The following PRKG1 variants were observed in gnomAD, a reference collection of about 807,000 sequenced individuals.
The protein encoded by PRKG1 is protein kinase cGMP-dependent 1, also known as cGMP-dependent protein kinase 1.
PRKG1 carries 35 observed loss-of-function variants against 88.1 expected under a neutral mutation model. The observed-to-expected ratio is 0.40, with a 90% confidence interval of 0.30 to 0.53. PRKG1 has a LOEUF of 0.53. Ranked by LOEUF, PRKG1 falls within the 20% of genes least tolerant of loss-of-function variation. PRKG1 has a pLI of 0.59. For synonymous variants in PRKG1, 303 were observed against 292.5 expected, an observed-to-expected ratio of 1.04 and a Z score of -0.37; for missense variants, 540 against 839.8, an observed-to-expected ratio of 0.64 and a Z score of 4.41.
intron 8 of PRKG1, among the ~76,000 whole-genome samples, chr10:52,134,416 A>G (rs937861237): frequency 1.3e-5 from 2 of 152,252 alleles, no homozygotes; most frequent in Non-Finnish European, 2.9e-5. Flanking sequence ...AGACATAGGC[A>G]TATATTTAAG....
chr10:51,800,325 A>G (rs150163865), intron 3 of PRKG1, among the ~76,000 whole-genome samples: 1 of 152,190 alleles, frequency 6.6e-6, no homozygotes, highest in Non-Finnish European at 1.5e-5. Context: ...TGGACTTGCA[A>G]TGGGGTTATA....
chr10:51,459,836 A>T (rs1312733279), intron 2 of PRKG1, among the ~76,000 whole-genome samples: 1 of 152,118 alleles, frequency 6.6e-6, no homozygotes. Flanking sequence ...TTATTCAGTA[A>T]AGTAGCTTTG....
chr10:51,068,461 C>T (rs1843782163), intron 1 of PRKG1: 1 of 151,954 alleles, frequency 6.6e-6, no homozygotes. Context: ...CATTGTCCTT[C>T]TTACATCTTT....
At chr10:51,099,453 C>T (rs1844624567) in intron 1 of PRKG1, among the ~76,000 whole-genome samples, 1 of 151,254 alleles carries the variant, frequency 6.6e-6, no homozygotes, top group Non-Finnish European at 1.5e-5. Flanking sequence ...ACTAGCATTG[C>T]AACAATGGAT....
chr10:51,636,805 C>G (rs749687011), intron 3 of PRKG1, among the ~76,000 whole-genome samples: 1 of 152,126 alleles, frequency 6.6e-6, no homozygotes, highest in South Asian at 2.1e-4. Context: ...TTATTTTGAG[C>G]TATTTTCACC....
At chr10:51,229,771 AT>A (rs1006597197) in intron 2 of PRKG1, among the ~76,000 whole-genome samples, 7 of 152,058 alleles carry the variant, frequency 4.6e-5, no homozygotes, top group Middle Eastern at 3.4e-3. Context: ...TCTACAAAAA[AT>A]AAAAATTAGC....
intron 1 of PRKG1, among the ~76,000 whole-genome samples, chr10:51,110,311 C>T (rs964295884): frequency 6.6e-6 from 1 of 152,038 alleles, no homozygotes; most frequent in Non-Finnish European, 1.5e-5. Context: ...TGTCTATCAA[C>T]AGGTGAATGG....
intron 2 of PRKG1, among the ~76,000 whole-genome samples, chr10:51,382,536 T>G (rs1183038631): frequency 6.6e-6 from 1 of 152,182 alleles, no homozygotes; most frequent in Non-Finnish European, 1.5e-5. Context: ...ATCTGTACTC[T>G]GTATTGTAAG....
intron 5 of PRKG1, among the ~76,000 whole-genome samples, chr10:52,025,023 T>C (rs1185621296): frequency 6.6e-6 from 1 of 152,250 alleles, no homozygotes; most frequent in Non-Finnish European, 1.5e-5. Flanking sequence ...ATCGCCATTC[T>C]AACTGGTGTG....
At chr10:51,780,671 G>T (rs1343840401) in intron 3 of PRKG1, among the ~76,000 whole-genome samples, 1 of 152,056 alleles carries the variant, frequency 6.6e-6, no homozygotes. Flanking sequence ...GATTGACTTG[G>T]TTTGTTAGAC....
At chr10:51,894,947 T>A (rs577541067) in intron 4 of PRKG1, among the ~76,000 whole-genome samples, 1 of 152,332 alleles carries the variant, frequency 6.6e-6, no homozygotes, top group South Asian at 2.1e-4. Context: ...GTGTTGCCTA[T>A]CTGTTACACA....
intron 2 of PRKG1, among the ~76,000 whole-genome samples, chr10:51,329,439 T>C (rs962353085): frequency 6.6e-6 from 1 of 152,204 alleles, no homozygotes; most frequent in South Asian, 2.1e-4. Flanking sequence ...TGTTTTGTCA[T>C]ACAAAAGACA....
intron 2 of PRKG1, among the ~76,000 whole-genome samples, chr10:51,274,577 G>T (rs1353690938): frequency 2.6e-5 from 4 of 152,092 alleles, no homozygotes; most frequent in Non-Finnish European, 4.4e-5. Context: ...CTCCAATAGG[G>T]CATAAATCCC....
intron 5 of PRKG1, among the ~76,000 whole-genome samples, chr10:51,920,882 T>C (rs1199941195): frequency 6.6e-6 from 1 of 152,130 alleles, no homozygotes; most frequent in African/African-American, 2.4e-5. Context: ...TCTCATATAC[T>C]CCCTCTCTCC....
At chr10:51,620,396 A>G (rs1468494619) in intron 3 of PRKG1, among the ~76,000 whole-genome samples, 4 of 152,080 alleles carry the variant, frequency 2.6e-5, no homozygotes, top group African/African-American at 9.7e-5. Context: ...ACCAAGTCAC[A>G]AATCACTTCC....
At chr10:51,270,421 C>A (rs1839948730) in intron 2 of PRKG1, among the ~76,000 whole-genome samples, 2 of 151,994 alleles carry the variant, frequency 1.3e-5, no homozygotes, top group South Asian at 4.2e-4. Context: ...ACATCTTATG[C>A]CTTCAAATAC....
intron 5 of PRKG1, among the ~76,000 whole-genome samples, chr10:51,940,145 G>C (rs185962943): frequency 1.3e-5 from 2 of 151,612 alleles, no homozygotes; most frequent in East Asian, 3.9e-4. Flanking sequence ...TTTATTCTTT[G>C]CAAGACAGGT....
At chr10:51,684,414 C>A (rs1320177726) in intron 3 of PRKG1, among the ~76,000 whole-genome samples, 1 of 151,948 alleles carries the variant, frequency 6.6e-6, no homozygotes, top group African/African-American at 2.4e-5. Context: ...GGCTGCACAA[C>A]TCTATGACTA....
intron 2 of PRKG1, among the ~76,000 whole-genome samples, chr10:51,418,276 T>C (rs1256126816): frequency 6.6e-6 from 1 of 152,178 alleles, no homozygotes; most frequent in African/African-American, 2.4e-5. Flanking sequence ...GCCATAGGTA[T>C]ACCAAAACTA....
Sources: gnomAD v4.1 joint callset for allele counts (sites outside exome capture counted in the v4.1 genomes callset) on GRCh38, gnomAD v4.1.1 for gene constraint, MANE v1.5 for transcripts, NCBI Gene and HGNC (gene_info 2026-07-23, HGNC 2026-07-21) for gene names.